ZNF30: variants seen among roughly 807,000 people sequenced by gnomAD.
The protein encoded by ZNF30 is zinc finger protein 30.
Under a neutral mutation model 13.2 loss-of-function variants are expected in ZNF30, and 15 were observed. That is an observed-to-expected ratio of 1.13 (90% CI 0.76 to 1.75). The LOEUF is 1.75. ZNF30 is among the 40% of genes most tolerant of loss of function. The pLI is 0.00. For missense variants in ZNF30, 726 were observed against 757.0 expected (o/e 0.96, Z 0.48); for synonymous variants, 223 against 256.6 (o/e 0.87, Z 1.25).
chr19:34,944,550 T>A lies in ZNF30; in HGVS notation c.1584T>A (p.Val528=), dbSNP rs1223901093. 6.2e-7 allele frequency: 1 copy of A among 1,614,082 alleles called. No individual in the cohort carries two copies. Among genetic ancestry groups the A allele is most frequent in the African/African-American group, 1.3e-5 (1 of 74,936 alleles). ...CCTTCAGTTCTGGCTCATACCTTGTTCAGCATCAAAGAATTCATACTGGGG... is the reference window on the plus strand; with the variant it reads ...CCTTCAGTTCTGGCTCATACCTTGTACAGCATCAAAGAATTCATACTGGGG... ...GKAFSSGSYL[V]QHQRIHTGEK... The change falls in exon 5 of 5, where the codon GTT becomes GTA. Residue 528 remains valine, a synonymous_variant. Transcript: ENST00000601142.
In ZNF30 at chr19:34,926,979, C is replaced by T. The variant is rs1395942857; in HGVS notation, c.-302C>T. The T allele has an allele frequency of 2.5e-6, 1 of 398,494 alleles. No homozygotes were observed. Among genetic ancestry groups the T allele is most frequent in the Non-Finnish European group, 4.4e-6 (1 of 226,064 alleles). 24.7% of individuals were successfully genotyped at this position (398,494 alleles called of 1,614,324 possible). ...TTCCCAGAGGCTGCAGCTATCCGGC[C>T]AATGTAGCCTGAAACTACATTTCTC... On this transcript the variant is annotated 5_prime_UTR_variant, in exon 1 of 5. The change creates a premature stop within an existing upstream ORF in the 5' untranslated region. Transcript: ENST00000601142.
At chr19:34,939,578 G>A (rs1600228761) in intron 4 of ZNF30, among the ~76,000 whole-genome samples, 1 of 151,972 alleles carries the variant, frequency 6.6e-6, no homozygotes, top group East Asian at 1.9e-4. Context: ...CTTCCCAAAG[G>A]GCTGGGATTA....
At chr19:34,935,700 GTTTTTTTTTTTTT>G (rs142285130) in intron 4 of ZNF30, among the ~76,000 whole-genome samples, 1 of 84,222 alleles carries the variant, frequency 1.2e-5, no homozygotes, top group African/African-American at 5.2e-5. Context: ...GTTGTCTATA[GTTTTTTTTTTTTT>G]TTTTTTTTTT....
upstream of ZNF30, among the ~76,000 whole-genome samples, chr19:34,925,599 G>T (rs1363565148): frequency 2.0e-5 from 3 of 152,096 alleles, no homozygotes; most frequent in African/African-American, 7.2e-5. Flanking sequence ...ATGGGGGCGG[G>T]AACAGGATGG....
upstream of ZNF30, among the ~76,000 whole-genome samples, chr19:34,924,238 C>T (rs77767269): frequency 0.011 from 1,633 of 152,018 alleles, 37 homozygotes; most frequent in African/African-American, 0.037. Flanking sequence ...TTGAGGGGCA[C>T]TTTTTGAATA....
In ZNF30 at chr19:34,929,952, C is replaced by T; in HGVS notation, c.5C>T (p.Ala2Val). 6.2e-7 allele frequency: 1 copy of T among 1,606,908 alleles called. No individual in the cohort carries two copies. Residue 2 changes from alanine (A) to valine (V), a missense_variant, in exon 2 of 5, where the codon GCC becomes GTC. Physicochemically the swap from Ala to Val is moderately conservative, Grantham distance 64. Coordinates refer to ENST00000601142, the MANE Select transcript of ZNF30 (RefSeq NM_194325.3). MAHKYVGLQYHG... is the reference protein window; with the variant it reads MVHKYVGLQYHG... The stretch of plus-strand genomic sequence containing the variant: ...AGTTCTTACAATTCTCAAAGCATGG[C>T]CCATGTAAGTTGGTGTTTCTTCTTG...
intron 2 of ZNF30, 105 bp downstream of exon 2, chr19:34,930,061 T>C: frequency 8.6e-7 from 1 of 1,161,500 alleles, no homozygotes; most frequent in South Asian, 1.4e-5. Context: ...TCTAATTGCC[T>C]ACTTGATTCC....
At chr19:34,940,526 G>A (rs1287189627) in intron 4 of ZNF30, among the ~76,000 whole-genome samples, 1 of 151,832 alleles carries the variant, frequency 6.6e-6, no homozygotes, top group East Asian at 1.9e-4. Flanking sequence ...AAATTAGCTG[G>A]GTATGGTGGT....
chr19:34,940,702 A>G (rs114089755), intron 4 of ZNF30, among the ~76,000 whole-genome samples: 1,727 of 151,194 alleles, frequency 0.011, 44 homozygotes, highest in African/African-American at 0.04. Flanking sequence ...ATAGAATATC[A>G]TATGGATTAT....
At chr19:34,942,197 CT>C (rs1218470329) in intron 4 of ZNF30, among the ~76,000 whole-genome samples, 1 of 152,104 alleles carries the variant, frequency 6.6e-6, no homozygotes, top group Non-Finnish European at 1.5e-5. Flanking sequence ...AATCCCAGCA[CT>C]TTGGGAGGGT....
At chr19:34,942,663 G>A in intron 4 of ZNF30, 1 of 1,288,122 alleles carries the variant, frequency 7.8e-7, no homozygotes, top group Non-Finnish European at 1.0e-6. Context: ...ACCTGCACAT[G>A]GAACCAAAAG....
At chr19:34,924,795 T>C (rs2012007289), upstream of ZNF30, among the ~76,000 whole-genome samples, 1 of 152,194 alleles carries the variant, frequency 6.6e-6, no homozygotes, top group Non-Finnish European at 1.5e-5. Flanking sequence ...ACTTTAGACA[T>C]GAATAGCCTA....
chr19:34,938,648 T>C (rs1053920522), intron 4 of ZNF30, among the ~76,000 whole-genome samples: 1 of 152,074 alleles, frequency 6.6e-6, no homozygotes, highest in African/African-American at 2.4e-5. Flanking sequence ...GATATGATTC[T>C]TGATAGTCAA....
At chr19:34,941,331 C>A (rs2013036804) in intron 4 of ZNF30, among the ~76,000 whole-genome samples, 1 of 152,210 alleles carries the variant, frequency 6.6e-6, no homozygotes, top group African/African-American at 2.4e-5. Flanking sequence ...ATGGCGCGAT[C>A]TTGGCTTACT....
rs543394138 is a variant in ZNF30 at position 34,928,881 on chromosome 19, G to A, written c.-64-1003G>A. ...AATTTATAAATTAAACTTAATCATA[G>A]GTGTGTATGTATAAGAAAAAACATA... is the stretch of plus-strand genomic sequence containing the variant. On this transcript the variant is annotated intron_variant, in intron 1 of 4. Transcript: ENST00000601142. 1.1e-4 allele frequency among the ~76,000 whole-genome samples: 16 copies of A among 152,312 alleles called. No homozygotes were observed. The South Asian group carries it at 3.3e-3, about 32-fold the overall frequency.
chr19:34,943,390 C>G lies in ZNF30; in HGVS notation c.424C>G (p.His142Asp). 6.2e-7 allele frequency: 1 copy of G among 1,613,920 alleles called. No individual in the cohort carries two copies. The highest frequency in any genetic ancestry group is 1.1e-5 in the South Asian group (1 of 91,066). ...DSKPVQHERI[H>D]SSEKPNRCKE... ...AAAGCCTGTTCAACATGAAAGAATA[C>G]ATAGTAGTGAAAAACCCAACAGATG... Residue 142 changes from histidine (H) to aspartate (D), a missense_variant, in exon 5 of 5, where the codon CAT becomes GAT. His to Asp is a moderately conservative substitution (Grantham distance 81). Coordinates refer to ENST00000601142, the MANE Select transcript of ZNF30 (RefSeq NM_194325.3).
At chr19:34,925,196 T>TCTTTTA (rs3072404), upstream of ZNF30, among the ~76,000 whole-genome samples, 64,787 of 151,578 alleles carry the variant, frequency 0.43, 15,475 homozygotes, top group African/African-American at 0.66. Flanking sequence ...TACAGGATGC[T>TCTTTTA]CTTTAGCTGT....
intron 1 of ZNF30, 47 bp from the exon 2 acceptor site, chr19:34,929,837 T>C (rs748877770): frequency 5.1e-6 from 5 of 985,068 alleles, no homozygotes; most frequent in Non-Finnish European, 6.0e-6. Flanking sequence ...TTAATGTATG[T>C]CATTGAGAAC....
Position 34,943,761 on chromosome 19 carries a change from T to C in ZNF30, c.795T>C (p.Cys265=). 5 of 1,613,952 alleles carry C rather than the reference T, an allele frequency of 3.1e-6. No homozygotes were observed. The highest frequency in any genetic ancestry group is 4.2e-6 in the Non-Finnish European group (5 of 1,179,902). Residue 265 remains cysteine, a synonymous_variant, in exon 5 of 5, where the codon TGT becomes TGC. Transcript: ENST00000601142. ...AAAAACCCTTTGGGTGTGAGGAGTGTGGGAAGGCCTTCAGTACCTTTTCAT... is the reference window on the plus strand; with the variant it reads ...AAAAACCCTTTGGGTGTGAGGAGTGCGGGAAGGCCTTCAGTACCTTTTCAT... ...TGEKPFGCEE[C]GKAFSTFSYL...
Sources: allele counts gnomAD v4.1 joint callset (sites outside exome capture counted in the v4.1 genomes callset), GRCh38; gene constraint gnomAD v4.1.1; transcripts MANE v1.5; gene names NCBI Gene and HGNC (gene_info 2026-07-23, HGNC 2026-07-21).